PTPRT: variants seen among roughly 807,000 people sequenced by gnomAD.
PTPRT encodes protein tyrosine phosphatase receptor type T.
In PTPRT, 56 loss-of-function variants were observed where a neutral mutation model predicts 176.8. That is an observed-to-expected ratio of 0.32 (90% CI 0.26 to 0.40). PTPRT has a LOEUF of 0.40. Among genes scored for constraint, PTPRT ranks in the 10% least tolerant of loss-of-function variants. The pLI is 1.00. For missense variants in PTPRT, 1,540 were observed against 1,908.2 expected, an observed-to-expected ratio of 0.81 and a Z score of 3.60; for synonymous variants, 783 against 739.0, an observed-to-expected ratio of 1.06 and a Z score of -0.96.
rs141125181 is a variant in PTPRT, at chr20:42,459,993, G to A, written c.1451-11664C>T. Among the ~76,000 whole-genome samples the A allele has an allele frequency of 3.2e-3, 484 of 152,292 alleles. 4 individuals carry two copies. The highest frequency in any genetic ancestry group is 4.5e-3 in the Non-Finnish European group (303 of 68,020). Reference sequence around the variant, plus strand: ...AGTGAGAAGTCAAGGTTTTTGGCTCGAGACACTAATAAAACAGAGTTGCCA... The same window carrying A: ...AGTGAGAAGTCAAGGTTTTTGGCTCAAGACACTAATAAAACAGAGTTGCCA... On this transcript the variant is annotated intron_variant, in intron 8 of 30. Coordinates refer to ENST00000373187, the MANE Select transcript of PTPRT (RefSeq NM_007050.6).
chr20:42,976,225 AG>A (rs1982940259), intron 1 of PTPRT, among the ~76,000 whole-genome samples: 1 of 152,170 alleles, frequency 6.6e-6, no homozygotes, highest in Non-Finnish European at 1.5e-5. Context: ...TATCAGATAC[AG>A]GGAGCCCTGC....
intron 5 of PTPRT, among the ~76,000 whole-genome samples, chr20:42,758,455 C>A (rs899118832): frequency 2.0e-5 from 3 of 152,148 alleles, no homozygotes; most frequent in Non-Finnish European, 2.9e-5. Context: ...GTATCCCAGG[C>A]CCCCATCAAA....
intron 7 of PTPRT, among the ~76,000 whole-genome samples, chr20:42,575,092 A>G (rs1194356779): frequency 6.6e-6 from 1 of 152,314 alleles, no homozygotes; most frequent in East Asian, 1.9e-4. Flanking sequence ...ACACAGGGAA[A>G]AAGGACCGAC....
intron 7 of PTPRT, among the ~76,000 whole-genome samples, chr20:42,650,510 A>T (rs761072917): frequency 2.0e-5 from 3 of 152,190 alleles, no homozygotes; most frequent in Non-Finnish European, 4.4e-5. Context: ...GGCCTTTTCA[A>T]ATCAGGGATT....
At chr20:42,111,437 G>C (rs1476606786) in intron 22 of PTPRT, among the ~76,000 whole-genome samples, 1 of 152,170 alleles carries the variant, frequency 6.6e-6, no homozygotes, top group African/African-American at 2.4e-5. Context: ...GGCCTTGTCG[G>C]GGAGGCAGAT....
At chr20:43,091,814 A>G (rs545205810) in intron 1 of PTPRT, among the ~76,000 whole-genome samples, 10 of 152,284 alleles carry the variant, frequency 6.6e-5, no homozygotes, top group Non-Finnish European at 1.0e-4. Context: ...ACAGCGTGCA[A>G]TTGAACAACG....
intron 8 of PTPRT, among the ~76,000 whole-genome samples, chr20:42,459,939 G>A (rs1330142822): frequency 1.3e-5 from 2 of 152,130 alleles, no homozygotes; most frequent in Admixed American, 1.3e-4. Context: ...CTTTGGAGAT[G>A]TAAAAGCCAG....
intron 1 of PTPRT, among the ~76,000 whole-genome samples, chr20:43,153,739 A>T (rs1338508811): frequency 6.6e-6 from 1 of 152,196 alleles, no homozygotes; most frequent in African/African-American, 2.4e-5. Flanking sequence ...TGTTTATGGG[A>T]GGAGTTCTGT....
chr20:42,425,532 T>C (rs908398266), intron 9 of PTPRT, among the ~76,000 whole-genome samples: 2 of 152,160 alleles, frequency 1.3e-5, no homozygotes, highest in African/African-American at 4.8e-5. Context: ...GATGAATAAG[T>C]TCTGGGGATC....
At chr20:42,406,537 CT>C (rs1033399247) in intron 9 of PTPRT, among the ~76,000 whole-genome samples, 2 of 151,652 alleles carry the variant, frequency 1.3e-5, no homozygotes, top group African/African-American at 4.8e-5. Flanking sequence ...GGTCTAGATC[CT>C]TTTTTTTCCA....
At chr20:42,168,001 T>C (rs923830996) in intron 16 of PTPRT, among the ~76,000 whole-genome samples, 1 of 151,830 alleles carries the variant, frequency 6.6e-6, no homozygotes, top group South Asian at 2.1e-4. Context: ...ATGTTGTATG[T>C]TATATGTGTT....
intron 1 of PTPRT, among the ~76,000 whole-genome samples, chr20:43,062,805 A>C (rs1432638629): frequency 6.6e-6 from 1 of 152,182 alleles, no homozygotes; most frequent in African/African-American, 2.4e-5. Flanking sequence ...ATATTGTTAC[A>C]CAGGGTGTAA....
Position 42,741,597 on chromosome 20 carries a change from C to A in PTPRT, c.859+14865G>T, listed in dbSNP as rs184775110. Among the ~76,000 whole-genome samples, 7 of 152,226 alleles carry A rather than the reference C, an allele frequency of 4.6e-5. 1 individual carries two copies. The highest frequency in any genetic ancestry group is 1.7e-4 in the African/African-American group (7 of 41,524). Reference sequence around the variant, plus strand: ...CTCACCTCAGGTGATCCACCTGACTCGGCTTCCCAAAGTGCTGGGATTACA... The same window carrying A: ...CTCACCTCAGGTGATCCACCTGACTAGGCTTCCCAAAGTGCTGGGATTACA... On this transcript the variant is annotated intron_variant, in intron 6 of 30. Transcript: ENST00000373187.
chr20:42,046,285 T>C, the PTPRT span, among the ~76,000 whole-genome samples: 20 of 152,240 alleles, frequency 1.3e-4, no homozygotes, highest in African/African-American at 4.6e-4. Context: ...ACTCTTCTCC[T>C]GAACCCACCC....
rs571559832 is a variant in PTPRT, at chr20:42,486,172, C to T, written c.1154-13610G>A. On this transcript the variant is annotated intron_variant, in intron 7 of 30. Transcript: ENST00000373187. ...TCCTGACTGACCCCTCTAATAGGGG[C>T]TGACACTTGGCCATGACATTGTGAG... 9.8e-5 allele frequency among the ~76,000 whole-genome samples: 15 copies of T among 152,310 alleles called. No homozygotes were observed. In the South Asian group the frequency reaches 2.9e-3, roughly 29 times the overall value.
chr20:42,382,592 T>C (rs1455638470), intron 9 of PTPRT, among the ~76,000 whole-genome samples: 1 of 151,922 alleles, frequency 6.6e-6, no homozygotes. Context: ...GGGTGCTAGG[T>C]CCGTGCAGGA....
chr20:42,524,187 TA>T (rs2072228368), intron 7 of PTPRT, among the ~76,000 whole-genome samples: 1 of 152,246 alleles, frequency 6.6e-6, no homozygotes, highest in Non-Finnish European at 1.5e-5. Flanking sequence ...TACTATTTTT[TA>T]TATAGTCAGT....
chr20:42,779,708 C>T (rs1002069363), intron 4 of PTPRT, among the ~76,000 whole-genome samples: 2 of 152,198 alleles, frequency 1.3e-5, no homozygotes, highest in African/African-American at 2.4e-5. Flanking sequence ...ACCATAAGTA[C>T]TAACCACTAT....
intron 13 of PTPRT, among the ~76,000 whole-genome samples, chr20:42,280,593 C>A (rs1187439295): frequency 6.6e-6 from 1 of 152,210 alleles, no homozygotes; most frequent in Non-Finnish European, 1.5e-5. Flanking sequence ...TACCTGCATA[C>A]ACACTCCATT....
Sources: allele counts gnomAD v4.1 joint callset (sites outside exome capture counted in the v4.1 genomes callset), GRCh38; gene constraint gnomAD v4.1.1; transcripts MANE v1.5; gene names NCBI Gene and HGNC (gene_info 2026-07-23, HGNC 2026-07-21).